AAK1: variants seen among roughly 807,000 people sequenced by gnomAD.
AAK1 encodes the protein AP2-associated protein kinase 1.
AAK1 carries 37 observed loss-of-function variants against 116.0 expected under a neutral mutation model. That is an observed-to-expected ratio of 0.32 (90% CI 0.25 to 0.42). The LOEUF is 0.42. AAK1 is among the 10% of genes least tolerant of loss of function. AAK1 has a pLI of 1.00. For missense variants in AAK1, 919 were observed against 1,170.6 expected, an observed-to-expected ratio of 0.79 and a Z score of 3.14; for synonymous variants, 458 against 439.9, an observed-to-expected ratio of 1.04 and a Z score of -0.51.
intron 2 of AAK1, among the ~76,000 whole-genome samples, chr2:69,562,434 G>C (rs541992370): frequency 9.5e-4 from 144 of 152,260 alleles, no homozygotes; most frequent in Middle Eastern, 3.4e-3. Flanking sequence ...AGATAACTTG[G>C]ACTTCTACCT....
intron 12 of AAK1, among the ~76,000 whole-genome samples, chr2:69,518,699 G>A (rs1676693783): frequency 6.6e-6 from 1 of 152,128 alleles, no homozygotes; most frequent in Admixed American, 6.5e-5. Flanking sequence ...TTACAGGCGC[G>A]AGCCACTGCA....
chr2:69,465,840 G>A lies in AAK1; in HGVS notation c.*10029C>T, dbSNP rs754038893. The A allele has an allele frequency of 6.6e-5, 85 of 1,290,774 alleles. No homozygotes were observed. Among genetic ancestry groups the A allele is most frequent in the Non-Finnish European group, 8.0e-5 (79 of 988,880 alleles). 80.0% of individuals were successfully genotyped at this position (1,290,774 alleles called of 1,614,324 possible). On this transcript the variant is annotated 3_prime_UTR_variant, in exon 22 of 22. Transcript: ENST00000409085. ...CACAAAACCAGCTGTGGAATACTGA[G>A]CTTGGACAGAGGTGTACACAGCTCT...
In AAK1 at chr2:69,471,095, A is replaced by G; in HGVS notation, c.*4774T>C. 1 of 985,796 alleles carries G rather than the reference A, an allele frequency of 1.0e-6. No individual in the cohort carries two copies. The highest frequency in any genetic ancestry group is 1.2e-6 in the Non-Finnish European group (1 of 829,936). The allele number at this position is 985,796 out of a possible 1,614,324, so 61.1% of individuals were successfully genotyped here. A position where few individuals can be genotyped will look rare whatever the true frequency, so the allele number is the denominator to read the frequency against. On this transcript the variant is annotated 3_prime_UTR_variant, in exon 22 of 22. Transcript: ENST00000409085. ...TCTTCTTGGGAAGGACGCGTTAAAG[A>G]CCTATGATAAACACACATCCACATG...
In AAK1 at chr2:69,514,817, C is replaced by G. The variant is rs1051485453; in HGVS notation, c.1498-68G>C. 3.4e-6 allele frequency: 5 copies of G among 1,465,806 alleles called. No individual in the cohort carries two copies. The African/African-American group carries it at 5.7e-5, about 17-fold the overall frequency. The allele number at this position is 1,465,806 out of a possible 1,614,324, so 90.8% of individuals were successfully genotyped here. Reference sequence around the variant, plus strand: ...TAATAGTCACAAAAGACAAATGTCTCAAAAACAATGAAGACCAGTGCTAAA... The same window carrying G: ...TAATAGTCACAAAAGACAAATGTCTGAAAAACAATGAAGACCAGTGCTAAA... On this transcript the variant is annotated intron_variant, in intron 12 of 21. Coordinates refer to ENST00000409085, the MANE Select transcript of AAK1 (RefSeq NM_014911.5).
chr2:69,514,400 C>T, intron 13 of AAK1, 71 bp downstream of exon 13: 3 of 1,454,628 alleles, frequency 2.1e-6, no homozygotes, highest in Non-Finnish European at 2.7e-6. Flanking sequence ...GCCATCTTTC[C>T]CACCCTTCCC....
In AAK1 at chr2:69,458,992, C is replaced by T. The variant is rs1243512301; in HGVS notation, c.*16877G>A. 6.6e-6 allele frequency: 1 copy of T among 152,196 alleles called. No homozygotes were observed. The highest frequency in any genetic ancestry group is 1.5e-5 in the Non-Finnish European group (1 of 68,046). 9.4% of individuals were successfully genotyped at this position (152,196 alleles called of 1,614,324 possible). Reference sequence around the variant, plus strand: ...AGAACATTGTCAAAACTGGGGTACACATCCTTCTATTAGAAATGGCTGGGG... The same window carrying T: ...AGAACATTGTCAAAACTGGGGTACATATCCTTCTATTAGAAATGGCTGGGG... On this transcript the variant is annotated 3_prime_UTR_variant, in exon 22 of 22. Transcript: ENST00000409085.
At chr2:69,530,808 T>A in intron 6 of AAK1, 102 bp from the exon 7 acceptor site, 1 of 834,176 alleles carries the variant, frequency 1.2e-6, no homozygotes, top group African/African-American at 1.7e-5. Flanking sequence ...ACAGAATCCC[T>A]GGGAGCAATC....
intron 5 of AAK1, among the ~76,000 whole-genome samples, chr2:69,536,421 T>C (rs896817722): frequency 1.1e-4 from 16 of 152,104 alleles, no homozygotes; most frequent in African/African-American, 3.4e-4. Context: ...GGGCAGGGTA[T>C]AGAGAAAAAT....
At chr2:69,478,287 AT>A (rs1674926458) in intron 20 of AAK1, among the ~76,000 whole-genome samples, 3 of 152,378 alleles carry the variant, frequency 2.0e-5, no homozygotes, top group African/African-American at 7.2e-5. Context: ...CAGGCAGTAG[AT>A]AGTCACTTCA....
chr2:69,514,555 C>A lies in AAK1; in HGVS notation c.1692G>T (p.Gln564His). ...QQLMTQQAALQQKPTMAAGQQ... is the reference protein window; with the variant it reads ...QQLMTQQAALHQKPTMAAGQQ... ...GTCCTGCTGCCATAGTGGGCTTTTG[C>A]TGCAAGGCAGCCTGCTGAGTCATCA... The change falls in exon 13 of 22, where the codon CAG becomes CAT. Residue 564 changes from glutamine (Q) to histidine (H), a missense_variant. This residue lies in a region of AAK1 where 214 missense variants were observed against 210.6 expected (regional missense o/e 1.02). Transcript: ENST00000409085. 1 of 1,556,454 alleles carries A rather than the reference C, an allele frequency of 6.4e-7. No individual in the cohort carries two copies. Among genetic ancestry groups the A allele is most frequent in the Non-Finnish European group, 8.7e-7 (1 of 1,149,848 alleles).
intron 9 of AAK1, among the ~76,000 whole-genome samples, chr2:69,526,696 A>G (rs966255778): frequency 6.6e-6 from 1 of 152,252 alleles, no homozygotes; most frequent in African/African-American, 2.4e-5. Context: ...TACTAAATGT[A>G]GAAAACATTC....
chr2:69,545,487 C>CCTTT (rs1670885270), intron 3 of AAK1, among the ~76,000 whole-genome samples: 2 of 152,202 alleles, frequency 1.3e-5, no homozygotes, highest in Non-Finnish European at 2.9e-5. Context: ...GGAAGGAAAA[C>CCTTT]ATGTGGTCCC....
rs1241332095 is a variant in AAK1 at position 69,509,214 on chromosome 2, G to A, written c.2006+17C>T. 6.2e-7 allele frequency: 1 copy of A among 1,611,634 alleles called. No individual in the cohort carries two copies. The stretch of plus-strand genomic sequence containing the variant: ...TGCCCACAGAGGTAAGAACAACAAA[G>A]AGGAAGCACCACATACTTGGACTTA... On this transcript the variant is annotated intron_variant, in intron 14 of 21. Coordinates refer to ENST00000409085, the MANE Select transcript of AAK1 (RefSeq NM_014911.5).
chr2:69,496,916 A>G (rs144218570), intron 16 of AAK1, among the ~76,000 whole-genome samples: 7 of 152,254 alleles, frequency 4.6e-5, no homozygotes, highest in Admixed American at 3.3e-4. Flanking sequence ...ACAAGCCCTA[A>G]TCTCTGTACT....
intron 2 of AAK1, among the ~76,000 whole-genome samples, chr2:69,625,969 A>G (rs1674878154): frequency 6.6e-6 from 1 of 151,760 alleles, no homozygotes; most frequent in African/African-American, 2.4e-5. Context: ...AGAAGCAAGA[A>G]CTCCCTCAAC....
In AAK1 at chr2:69,643,656, A is replaced by T; in HGVS notation, c.-316T>A. Reference sequence around the variant, plus strand: ...GCCGGGCCGGCCTGCGACGCAGAGAAGAGGCGGCGCTGCAGCGAGAGCCGG... The same window carrying T: ...GCCGGGCCGGCCTGCGACGCAGAGATGAGGCGGCGCTGCAGCGAGAGCCGG... On this transcript the variant is annotated 5_prime_UTR_variant, in exon 1 of 22. Transcript: ENST00000409085. 8.2e-7 allele frequency: 1 copy of T among 1,226,634 alleles called. No homozygotes were observed. Among genetic ancestry groups the T allele is most frequent in the Middle Eastern group, 3.1e-4 (1 of 3,178 alleles). 76.0% of individuals were successfully genotyped at this position (1,226,634 alleles called of 1,614,324 possible). A position where few individuals can be genotyped will look rare whatever the true frequency, so the allele number is the denominator to read the frequency against.
intron 2 of AAK1, among the ~76,000 whole-genome samples, chr2:69,591,382 T>C (rs1387670341): frequency 6.6e-6 from 1 of 152,182 alleles, no homozygotes; most frequent in Non-Finnish European, 1.5e-5. Context: ...GTATCATTCC[T>C]ACAAGCCATG....
At chr2:69,478,779 C>A in intron 20 of AAK1, 172 bp downstream of exon 20, 2 of 565,728 alleles carry the variant, frequency 3.5e-6, no homozygotes, top group South Asian at 4.0e-5. Flanking sequence ...AGTAAATATT[C>A]TCACTGAGAG....
chr2:69,496,212 G>C, intron 16 of AAK1, 132 bp from the exon 17 acceptor site: 4 of 556,338 alleles, frequency 7.2e-6, no homozygotes, highest in South Asian at 2.1e-5. Context: ...TCTAAGCCTA[G>C]AATAAAAGTG....
Sources: gnomAD v4.1 joint callset for allele counts (sites outside exome capture counted in the v4.1 genomes callset) on GRCh38, gnomAD v4.1.1 for gene constraint, gnomAD v4.1.1 regional missense constraint, MANE v1.5 for transcripts, NCBI Gene and HGNC (gene_info 2026-07-23, HGNC 2026-07-21) for gene names.